Variants in BCAS3 observed in about 807,000 individuals in gnomAD.
BCAS3 encodes BCAS3 microtubule associated cell migration factor.
A neutral mutation model predicts 116.1 loss-of-function variants in BCAS3; 53 were observed. That is an observed-to-expected ratio of 0.46 (90% CI 0.37 to 0.57). BCAS3 has a LOEUF of 0.57. Among genes scored for constraint, BCAS3 ranks in the 20% least tolerant of loss-of-function variants. BCAS3 has a pLI of 0.00. For missense variants in BCAS3, 917 were observed against 1,165.4 expected, an observed-to-expected ratio of 0.79 and a Z score of 3.10; for synonymous variants, 391 against 408.2, an observed-to-expected ratio of 0.96 and a Z score of 0.51.
chr17:60,812,109 C>T (rs1166891864), intron 7 of BCAS3, among the ~76,000 whole-genome samples: 1 of 151,874 alleles, frequency 6.6e-6, no homozygotes, highest in East Asian at 1.9e-4. Context: ...GGATGTAGAC[C>T]TAATATGTCT....
intron 22 of BCAS3, among the ~76,000 whole-genome samples, chr17:61,297,058 C>T (rs138022598): frequency 2.6e-5 from 4 of 152,194 alleles, no homozygotes; most frequent in South Asian, 2.1e-4. Context: ...TCCAGGAAAC[C>T]GCCAGGTACC....
Position 61,391,056 on chromosome 17 carries a change from TC to T in BCAS3, c.2594-919del, listed in dbSNP as rs946487550. 3.3e-5 allele frequency: 5 copies of T among 152,292 alleles called. No individual in the cohort carries two copies. Among genetic ancestry groups the T allele is most frequent in the African/African-American group, 1.2e-4 (5 of 41,470 alleles). The allele number at this position is 152,292 out of a possible 1,614,324, so 9.4% of individuals were successfully genotyped here. A position where few individuals can be genotyped will look rare whatever the true frequency, so the allele number is the denominator to read the frequency against. On this transcript the variant is annotated intron_variant, in intron 23 of 23. Transcript: ENST00000407086. The surrounding 1 kb of genome is among the most constrained non-coding windows in gnomAD (Gnocchi z 7.7). The stretch of plus-strand genomic sequence containing the variant: ...AAAAAGCCAAGAAGTAATTGGTTCT[TC>T]CTTGCACTCAGCAAGCAGGGAATTC...
intron 19 of BCAS3, among the ~76,000 whole-genome samples, chr17:61,044,465 A>AATATATATACATATAT (rs2067852620): frequency 8.3e-6 from 1 of 120,126 alleles, no homozygotes; most frequent in African/African-American, 5.0e-5. Flanking sequence ...AAAAAAAAAA[A>AATATATATACATATAT]ATATATATAT....
rs1245734308 is a variant in BCAS3, at chr17:61,019,295, A to C, written c.1637+3394A>C. ...GTTGCACACTCCTTATGAGAATCTA[A>C]TGCCTCATGATCTGAAGTGAAACTT... is the stretch of plus-strand genomic sequence containing the variant. On this transcript the variant is annotated intron_variant, in intron 16 of 23. Coordinates refer to ENST00000407086, the MANE Select transcript of BCAS3 (RefSeq NM_017679.5). This position sits in a 1 kb window ranked among gnomAD's most constrained non-coding sequence, Gnocchi z 5.6. Among the ~76,000 whole-genome samples the C allele has an allele frequency of 6.6e-6, 1 of 152,188 alleles. No homozygotes were observed.
In BCAS3 at chr17:61,323,128, C is replaced by A. The variant is rs560143011; in HGVS notation, c.2426-45199C>A. 2.0e-5 allele frequency among the ~76,000 whole-genome samples: 3 copies of A among 151,950 alleles called. No individual in the cohort carries two copies. Among genetic ancestry groups the A allele is most frequent in the Non-Finnish European group, 4.4e-5 (3 of 67,978 alleles). ...ATGGTCACATGGATTTAGCATCACA[C>A]GGGGAATTCGCTGTAACCCAGCCAT... On this transcript the variant is annotated intron_variant, in intron 22 of 23. Transcript: ENST00000407086. The surrounding 1 kb of genome is among the most constrained non-coding windows in gnomAD (Gnocchi z 4.6).
In BCAS3 at chr17:61,032,770, T is replaced by C. The variant is rs921949351; in HGVS notation, c.1638-1896T>C. Reference sequence around the variant, plus strand: ...AGAAACTTTTTATTTAAAAACGATGTCTTTATTCCCTGTCACTGGAAGTCT... The same window carrying C: ...AGAAACTTTTTATTTAAAAACGATGCCTTTATTCCCTGTCACTGGAAGTCT... On this transcript the variant is annotated intron_variant, in intron 16 of 23. Coordinates refer to ENST00000407086, the MANE Select transcript of BCAS3 (RefSeq NM_017679.5). The surrounding 1 kb of genome is among the most constrained non-coding windows in gnomAD (Gnocchi z 4.6). Among the ~76,000 whole-genome samples, 1 of 152,322 alleles carries C rather than the reference T, an allele frequency of 6.6e-6. No homozygotes were observed. Among genetic ancestry groups the C allele is most frequent in the East Asian group, 1.9e-4 (1 of 5,184 alleles).
At chr17:61,158,094 G>A (rs1601632222) in intron 22 of BCAS3, among the ~76,000 whole-genome samples, 1 of 151,902 alleles carries the variant, frequency 6.6e-6, no homozygotes, top group Non-Finnish European at 1.5e-5. Flanking sequence ...CTAACCATTA[G>A]CATTAATACT....
chr17:60,929,568 T>C (rs1484419976), intron 13 of BCAS3, among the ~76,000 whole-genome samples: 1 of 152,108 alleles, frequency 6.6e-6, no homozygotes, highest in Non-Finnish European at 1.5e-5. Context: ...TTTTAATTTG[T>C]TTATTTTATT....
intron 6 of BCAS3, among the ~76,000 whole-genome samples, chr17:60,767,862 G>A (rs902704008): frequency 3.3e-5 from 5 of 152,056 alleles, no homozygotes; most frequent in South Asian, 2.1e-4. Context: ...GTTCAGTGGC[G>A]TGATCATGGC....
At chr17:60,975,407 T>C (rs2062272268) in intron 14 of BCAS3, among the ~76,000 whole-genome samples, 3 of 152,186 alleles carry the variant, frequency 2.0e-5, no homozygotes, top group Non-Finnish European at 4.4e-5. Flanking sequence ...CCTTTGTGCA[T>C]AGGACAGCAA....
chr17:61,311,990 A>C (rs1226646070), intron 22 of BCAS3, among the ~76,000 whole-genome samples: 4 of 152,244 alleles, frequency 2.6e-5, no homozygotes, highest in Non-Finnish European at 2.9e-5. Context: ...AGGTCATGCC[A>C]CATCTCAACC....
rs1048051360 is a variant in BCAS3, at chr17:61,132,561, G to A, written c.2425+47997G>A. Among the ~76,000 whole-genome samples, 4 of 152,170 alleles carry A rather than the reference G, an allele frequency of 2.6e-5. No individual in the cohort carries two copies. Among genetic ancestry groups the A allele is most frequent in the Non-Finnish European group, 5.9e-5 (4 of 68,030 alleles). ...ATTGTTTGTGCCGGGCTTATACAAT[G>A]GGTCTCTAAACTATATTGAGTGGTC... On this transcript the variant is annotated intron_variant, in intron 22 of 23. Coordinates refer to ENST00000407086, the MANE Select transcript of BCAS3 (RefSeq NM_017679.5). This position sits in a 1 kb window ranked among gnomAD's most constrained non-coding sequence, Gnocchi z 5.1.
intron 5 of BCAS3, among the ~76,000 whole-genome samples, chr17:60,736,867 C>T (rs1172528553): frequency 6.6e-6 from 1 of 151,244 alleles, no homozygotes; most frequent in Non-Finnish European, 1.5e-5. Flanking sequence ...TAGTGATCTC[C>T]CCTCTTTTCC....
At chr17:60,984,109 A>G (rs1291824143) in intron 14 of BCAS3, among the ~76,000 whole-genome samples, 1 of 152,200 alleles carries the variant, frequency 6.6e-6, no homozygotes, top group Admixed American at 6.5e-5. Flanking sequence ...ACAGTCTTTA[A>G]TTATATCATT....
At chr17:60,929,404 G>C (rs1599754306) in intron 13 of BCAS3, among the ~76,000 whole-genome samples, 1 of 152,106 alleles carries the variant, frequency 6.6e-6, no homozygotes, top group East Asian at 1.9e-4. Flanking sequence ...CTCTAGCCTG[G>C]GTTACAGAGT....
chr17:60,825,540 A>AAATAATTATTTATAATAATTTATAAAT (rs1555738821), intron 7 of BCAS3, among the ~76,000 whole-genome samples: 2 of 136,572 alleles, frequency 1.5e-5, no homozygotes, highest in African/African-American at 5.9e-5. Context: ...AATAATTTAT[A>AAATAATTATTTATAATAATTTATAAAT]AATAATTATT....
intron 19 of BCAS3, among the ~76,000 whole-genome samples, chr17:61,053,668 A>G (rs978955976): frequency 1.3e-5 from 2 of 152,242 alleles, no homozygotes; most frequent in East Asian, 1.9e-4. Flanking sequence ...TGCATTGTCC[A>G]TAATAAATAT....
intron 14 of BCAS3, among the ~76,000 whole-genome samples, chr17:60,971,966 C>T (rs887595646): frequency 6.6e-6 from 1 of 152,076 alleles, no homozygotes; most frequent in Non-Finnish European, 1.5e-5. Context: ...AGGCAGGTGG[C>T]GATGTTGTAC....
chr17:60,761,739 C>T lies in BCAS3; in HGVS notation c.403+14460C>T, dbSNP rs185603814. 1.1e-4 allele frequency among the ~76,000 whole-genome samples: 17 copies of T among 149,926 alleles called. No homozygotes were observed. The East Asian group carries it at 1.5e-3, about 14-fold the overall frequency. On this transcript the variant is annotated intron_variant, in intron 6 of 23. Transcript: ENST00000407086. ...TATACCCAGTAATGGGATTGCTGGGCTAAATGGTATTTCTAGTTCTAGATC... is the reference window on the plus strand; with the variant it reads ...TATACCCAGTAATGGGATTGCTGGGTTAAATGGTATTTCTAGTTCTAGATC...
Sources: allele counts gnomAD v4.1 joint callset (sites outside exome capture counted in the v4.1 genomes callset), GRCh38; gene constraint gnomAD v4.1.1; non-coding constraint Gnocchi (gnomAD v3.1); transcripts MANE v1.5; gene names NCBI Gene and HGNC (gene_info 2026-07-23, HGNC 2026-07-21).